Variants in GPR158 observed in about 807,000 individuals in gnomAD.
GPR158 encodes the protein G protein-coupled receptor 158.
In GPR158, 30 loss-of-function variants were observed where a neutral mutation model predicts 78.2. The observed-to-expected ratio is 0.38, with a 90% CI of 0.29 to 0.52. GPR158 has a LOEUF of 0.52. Among genes scored for constraint, GPR158 ranks in the 20% least tolerant of loss-of-function variants. The pLI, the probability that GPR158 is intolerant of heterozygous loss-of-function variation, is 0.83. For missense variants in GPR158, 1,463 were observed against 1,523.5 expected (o/e 0.96, Z 0.66); for synonymous variants, 581 against 591.1 (o/e 0.98, Z 0.25).
chr10:25,579,091 CAA>C (rs1441962023), intron 7 of GPR158, among the ~76,000 whole-genome samples: 1 of 150,668 alleles, frequency 6.6e-6, no homozygotes, highest in African/African-American at 2.4e-5. Context: ...ATGAAGAAAA[CAA>C]AGTATCATGT....
intron 2 of GPR158, among the ~76,000 whole-genome samples, chr10:25,359,698 G>A (rs1362519119): frequency 6.6e-6 from 1 of 152,126 alleles, no homozygotes; most frequent in Non-Finnish European, 1.5e-5. Flanking sequence ...TTGCTATTGT[G>A]AATAGTGCTG....
chr10:25,508,301 A>G (rs1241611064), intron 5 of GPR158, among the ~76,000 whole-genome samples: 1 of 152,158 alleles, frequency 6.6e-6, no homozygotes, highest in African/African-American at 2.4e-5. Context: ...CAGAAGAGGG[A>G]GAGGGAGAGG....
intron 6 of GPR158, among the ~76,000 whole-genome samples, chr10:25,566,802 AACTTT>A (rs71865713): frequency 0.26 from 38,926 of 151,926 alleles, 9,415 homozygotes; most frequent in African/African-American, 0.61. Context: ...ACCAAGAAGT[AACTTT>A]ACTTTACTTC....
intron 2 of GPR158, among the ~76,000 whole-genome samples, chr10:25,312,858 C>G (rs889416355): frequency 2.6e-5 from 4 of 151,950 alleles, no homozygotes; most frequent in African/African-American, 9.7e-5. Context: ...AAATTTGATG[C>G]CATTGCCTTG....
At chr10:25,508,038 A>C (rs1836037178) in intron 5 of GPR158, among the ~76,000 whole-genome samples, 1 of 152,232 alleles carries the variant, frequency 6.6e-6, no homozygotes, top group Non-Finnish European at 1.5e-5. Flanking sequence ...GGAAATTTCC[A>C]CCTGAATTCC....
At chr10:25,286,916 T>C (rs1327452004) in intron 2 of GPR158, among the ~76,000 whole-genome samples, 1 of 152,158 alleles carries the variant, frequency 6.6e-6, no homozygotes, top group Non-Finnish European at 1.5e-5. Context: ...CTTCAGGTCT[T>C]CCCTTTGTGC....
At chr10:25,561,905 G>A (rs1227737055) in intron 6 of GPR158, among the ~76,000 whole-genome samples, 1 of 152,020 alleles carries the variant, frequency 6.6e-6, no homozygotes, top group Non-Finnish European at 1.5e-5. Flanking sequence ...AATTAGTGCA[G>A]AACCCAGGTT....
At chr10:25,276,646 A>G (rs1237390748) in intron 2 of GPR158, among the ~76,000 whole-genome samples, 1 of 152,202 alleles carries the variant, frequency 6.6e-6, no homozygotes, top group Non-Finnish European at 1.5e-5. Context: ...CAAGAGGAAC[A>G]TTGTAACTGG....
At chr10:25,498,879 A>G (rs1040549087) in intron 5 of GPR158, among the ~76,000 whole-genome samples, 1 of 152,160 alleles carries the variant, frequency 6.6e-6, no homozygotes, top group African/African-American at 2.4e-5. Context: ...AAAAGGCAAT[A>G]TATCCCCTGC....
intron 4 of GPR158, among the ~76,000 whole-genome samples, chr10:25,452,003 G>C (rs4537661): frequency 0.039 from 5,711 of 146,326 alleles, 123 homozygotes; most frequent in East Asian, 0.079. Context: ...CTCCAAAATT[G>C]GCTTTTTGTT....
chr10:25,495,131 A>G (rs1835861537), intron 5 of GPR158, among the ~76,000 whole-genome samples: 2 of 151,612 alleles, frequency 1.3e-5, no homozygotes, highest in African/African-American at 2.4e-5. Context: ...CCATTTAGAG[A>G]TAGGTATAAT....
intron 2 of GPR158, among the ~76,000 whole-genome samples, chr10:25,230,463 G>A (rs1296534392): frequency 2.0e-5 from 3 of 152,304 alleles, no homozygotes; most frequent in East Asian, 3.9e-4. Flanking sequence ...ATTAAAATGT[G>A]TGTAGATAAA....
At chr10:25,563,717 A>G (rs1489957492) in intron 6 of GPR158, among the ~76,000 whole-genome samples, 5 of 152,140 alleles carry the variant, frequency 3.3e-5, no homozygotes, top group Non-Finnish European at 2.9e-5. Flanking sequence ...ATTAACTTTT[A>G]TGCTCCTCTT....
chr10:25,185,457 T>G (rs1852669663), intron 1 of GPR158, among the ~76,000 whole-genome samples: 1 of 152,242 alleles, frequency 6.6e-6, no homozygotes, highest in Non-Finnish European at 1.5e-5. Context: ...AATCTGTTGC[T>G]AAGCATGGTT....
At chr10:25,421,929 C>T (rs1456948290) in intron 4 of GPR158, among the ~76,000 whole-genome samples, 2 of 152,122 alleles carry the variant, frequency 1.3e-5, no homozygotes, top group East Asian at 1.9e-4. Context: ...ATTGTGGGGA[C>T]TTTCTATATG....
chr10:25,448,245 T>C (rs1055867901), intron 4 of GPR158, among the ~76,000 whole-genome samples: 5 of 151,790 alleles, frequency 3.3e-5, no homozygotes, highest in East Asian at 1.9e-4. Context: ...CCACCACGCC[T>C]GGCTAATTTT....
chr10:25,598,747 AC>A lies in GPR158; in HGVS notation c.3122del (p.Thr1041IlefsTer4). On this transcript the variant is annotated frameshift_variant, in exon 11 of 11. Coordinates refer to ENST00000376351, the MANE Select transcript of GPR158 (RefSeq NM_020752.3). LOFTEE classifies it low-confidence loss of function (END_TRUNC). Reference sequence around the variant, plus strand: ...GGCTTCTGAAATGGAGAAAAACCCCACTTTTTCCTTAAAGGAGAAATCTCAC... The same window carrying A: ...GGCTTCTGAAATGGAGAAAAACCCCATTTTTCCTTAAAGGAGAAATCTCAC... ...IVASEMEKNP[T>X]FSLKEKSHHK... The A allele has an allele frequency of 6.2e-7, 1 of 1,613,998 alleles. No individual in the cohort carries two copies. Among genetic ancestry groups the A allele is most frequent in the South Asian group, 1.1e-5 (1 of 91,074 alleles).
chr10:25,484,959 G>T (rs1055162346), intron 5 of GPR158, among the ~76,000 whole-genome samples: 3 of 151,936 alleles, frequency 2.0e-5, no homozygotes, highest in Non-Finnish European at 2.9e-5. Context: ...AACAGTCTCT[G>T]GGAAACGTGC....
intron 2 of GPR158, among the ~76,000 whole-genome samples, chr10:25,248,059 A>G (rs910641673): frequency 6.6e-6 from 1 of 152,016 alleles, no homozygotes; most frequent in Non-Finnish European, 1.5e-5. Flanking sequence ...CATTTATCTG[A>G]TGGCCAGTGA....
Sources: gnomAD v4.1 joint callset for allele counts (sites outside exome capture counted in the v4.1 genomes callset) on GRCh38, gnomAD v4.1.1 for gene constraint, MANE v1.5 for transcripts, NCBI Gene and HGNC (gene_info 2026-07-23, HGNC 2026-07-21) for gene names.